ELP4: variants seen among roughly 807,000 people sequenced by gnomAD.
ELP4 encodes the protein elongator acetyltransferase complex subunit 4, also known as elongator complex protein 4.
Under a neutral mutation model 48.9 loss-of-function variants are expected in ELP4, and 51 were observed. The ratio of observed to expected loss-of-function variants is 1.04; its 90% CI spans 0.83 to 1.32. ELP4 has a LOEUF of 1.32. ELP4 is among the 40% of genes most tolerant of loss of function. The probability of loss-of-function intolerance (pLI) is 0.00; values close to 1 mark genes in which losing one functional copy is unlikely to be tolerated. For synonymous variants in ELP4, 210 were observed against 189.2 expected (o/e 1.11, Z -0.90); for missense variants, 519 against 514.6 (o/e 1.01, Z -0.08).
chr11:31,631,518 C>T (rs1944860782), intron 6 of ELP4, among the ~76,000 whole-genome samples: 1 of 152,046 alleles, frequency 6.6e-6, no homozygotes, highest in African/African-American at 2.4e-5. Context: ...ATTATAAACA[C>T]ATCTGTTGTT....
At chr11:31,525,041 A>G (rs1028114098) in intron 2 of ELP4, among the ~76,000 whole-genome samples, 3 of 152,134 alleles carry the variant, frequency 2.0e-5, no homozygotes, top group African/African-American at 7.2e-5. Context: ...CTGGTCACCT[A>G]TTTTTGTAAA....
At chr11:31,605,440 T>A (rs561705893) in intron 5 of ELP4, among the ~76,000 whole-genome samples, 1 of 152,216 alleles carries the variant, frequency 6.6e-6, no homozygotes, top group Admixed American at 6.6e-5. Context: ...AGGGTAATTT[T>A]CCCATAATTT....
At chr11:31,748,967 A>C (rs1484589079) in intron 9 of ELP4, among the ~76,000 whole-genome samples, 1 of 152,212 alleles carries the variant, frequency 6.6e-6, no homozygotes, top group Admixed American at 6.5e-5. Flanking sequence ...TAAGTTCATT[A>C]GTATAAGGCT....
chr11:31,705,601 A>G (rs1162496212), intron 9 of ELP4, among the ~76,000 whole-genome samples: 1 of 152,200 alleles, frequency 6.6e-6, no homozygotes, highest in African/African-American at 2.4e-5. Context: ...AATATTGCAG[A>G]TTAAAATTCC....
At position 31,745,011 on chromosome 11, in the gene ELP4, C is replaced by G. The variant is rs1947548926; in HGVS notation, c.1144-38382C>G. On this transcript the variant is annotated intron_variant, in intron 9 of 9. Transcript: ENST00000640961. ...AAACCCCATCGTCTCAGCCCAAAAT[C>G]TCCTCAAGCTGATAAGCAACTTCAG... 2.0e-5 allele frequency among the ~76,000 whole-genome samples: 3 copies of G among 152,206 alleles called. No homozygotes were observed. In the South Asian group the frequency reaches 6.2e-4, roughly 32 times the overall value.
chr11:31,764,746 C>T lies in ELP4; in HGVS notation c.1144-18647C>T, dbSNP rs191695186. ...GATTACAGAGCCTGGTTGGGTCCTCCCAGAGCTGTAATAGTTTTGTAGAAC... is the reference window on the plus strand; with the variant it reads ...GATTACAGAGCCTGGTTGGGTCCTCTCAGAGCTGTAATAGTTTTGTAGAAC... On this transcript the variant is annotated intron_variant, in intron 9 of 9. Transcript: ENST00000640961. Among the ~76,000 whole-genome samples, 17 of 152,214 alleles carry T rather than the reference C, an allele frequency of 1.1e-4. No homozygotes were observed. The East Asian group carries it at 2.9e-3, about 26-fold the overall frequency.
intron 1 of ELP4, chr11:31,512,224 A>G (rs1322741452): frequency 1.3e-5 from 2 of 152,204 alleles, no homozygotes; most frequent in African/African-American, 2.4e-5. Context: ...CGGTAAAACT[A>G]TACTGTAATA....
chr11:31,624,043 T>C (rs553630802), intron 5 of ELP4, among the ~76,000 whole-genome samples: 3 of 151,848 alleles, frequency 2.0e-5, no homozygotes, highest in East Asian at 1.9e-4. Context: ...ATGACTGTTA[T>C]CAAAAAGACA....
chr11:31,589,094 A>G (rs188082505), intron 3 of ELP4, among the ~76,000 whole-genome samples: 294 of 152,340 alleles, frequency 1.9e-3, no homozygotes, highest in African/African-American at 6.7e-3. Flanking sequence ...AGATTAGCAC[A>G]TGAAACATAA....
chr11:31,709,850 A>G (rs1309893547), intron 9 of ELP4, among the ~76,000 whole-genome samples: 1 of 152,188 alleles, frequency 6.6e-6, no homozygotes, highest in Non-Finnish European at 1.5e-5. Flanking sequence ...TGTGTCAAAT[A>G]CCAATTTAAG....
In ELP4 at chr11:31,513,821, G is replaced by T. The variant is rs192344913; in HGVS notation, c.223+3814G>T. Among the ~76,000 whole-genome samples the T allele has an allele frequency of 1.5e-3, 230 of 152,226 alleles. 1 individual carries two copies. The highest frequency in any genetic ancestry group is 2.5e-3 in the Non-Finnish European group (173 of 67,992). ...TCTTATGATTTTGAAAATCGTGGAA[G>T]ATACTGGCATTTGCAAGATCTTAAA... On this transcript the variant is annotated intron_variant, in intron 1 of 9. Coordinates refer to ENST00000640961, the MANE Select transcript of ELP4 (RefSeq NM_019040.5).
At chr11:31,672,031 G>C (rs561970717) in intron 9 of ELP4, among the ~76,000 whole-genome samples, 7 of 152,066 alleles carry the variant, frequency 4.6e-5, no homozygotes, top group Non-Finnish European at 7.4e-5. Context: ...TTGTTTTTCT[G>C]GGGGGAGCTT....
rs369654202 is a variant in ELP4 at position 31,705,598 on chromosome 11, C to T, written c.1143+55377C>T. Among the ~76,000 whole-genome samples the T allele has an allele frequency of 6.6e-5, 10 of 152,216 alleles. No homozygotes were observed. In the South Asian group the frequency reaches 2.1e-3, roughly 32 times the overall value. On this transcript the variant is annotated intron_variant, in intron 9 of 9. Transcript: ENST00000640961. ...CATGTTAATTATTCAAAAAATATTG[C>T]AGATTAAAATTCCTCTGCAACTGTA... is the stretch of plus-strand genomic sequence containing the variant.
chr11:31,632,083 A>C, intron 6 of ELP4, 134 bp from the exon 7 acceptor site: 1 of 611,904 alleles, frequency 1.6e-6, no homozygotes, highest in Non-Finnish European at 2.8e-6. Context: ...ATGTACTAAT[A>C]GTACATAAAA....
intron 5 of ELP4, among the ~76,000 whole-genome samples, chr11:31,624,953 G>T (rs1261389127): frequency 6.6e-6 from 1 of 151,064 alleles, no homozygotes; most frequent in African/African-American, 2.4e-5. Flanking sequence ...TTGTCATCTC[G>T]TGATAAGAAT....
At chr11:31,625,877 A>G (rs1944732704) in intron 5 of ELP4, among the ~76,000 whole-genome samples, 1 of 151,840 alleles carries the variant, frequency 6.6e-6, no homozygotes, top group African/African-American at 2.4e-5. Flanking sequence ...TTATTTTTGC[A>G]CACGTTTCCA....
At chr11:31,522,383 A>G (rs1228939040) in intron 2 of ELP4, among the ~76,000 whole-genome samples, 3 of 152,160 alleles carry the variant, frequency 2.0e-5, no homozygotes, top group Non-Finnish European at 4.4e-5. Flanking sequence ...AAATATTGCC[A>G]TGTAAGTAAT....
At chr11:31,549,970 A>G (rs1028553416) in intron 3 of ELP4, among the ~76,000 whole-genome samples, 13 of 151,286 alleles carry the variant, frequency 8.6e-5, no homozygotes, top group African/African-American at 2.2e-4. Flanking sequence ...GGAACATCAC[A>G]CTCTGGGGAC....
chr11:31,564,050 G>A (rs1379615463), intron 3 of ELP4, among the ~76,000 whole-genome samples: 1 of 152,116 alleles, frequency 6.6e-6, no homozygotes, highest in African/African-American at 2.4e-5. Flanking sequence ...AACAGTCATT[G>A]TAACAAATGG....
Sources: gnomAD v4.1 joint callset for allele counts (sites outside exome capture counted in the v4.1 genomes callset) on GRCh38, gnomAD v4.1.1 for gene constraint, MANE v1.5 for transcripts, NCBI Gene and HGNC (gene_info 2026-07-23, HGNC 2026-07-21) for gene names.